The following LYN variants were observed in gnomAD, a reference collection of about 807,000 sequenced individuals.
LYN encodes the protein tyrosine-protein kinase Lyn.
In LYN, 12 loss-of-function variants were observed where a neutral mutation model predicts 65.0. The ratio of observed to expected loss-of-function variants is 0.18; its 90% CI spans 0.12 to 0.30. The LOEUF is 0.30. LYN is among the 10% of genes least tolerant of loss of function. The probability of loss-of-function intolerance (pLI) is 1.00; values close to 1 mark genes in which losing one functional copy is unlikely to be tolerated. For missense variants in LYN, 380 were observed against 623.2 expected (o/e 0.61, Z 4.16); for synonymous variants, 222 against 221.2 (o/e 1.00, Z -0.03).
intron 10 of LYN, among the ~76,000 whole-genome samples, chr8:55,983,606 A>G (rs1807991855): frequency 1.3e-5 from 2 of 150,004 alleles, no homozygotes; most frequent in Non-Finnish European, 2.9e-5. Context: ...TCAGGACACT[A>G]CATCCAAAGG....
intron 1 of LYN, among the ~76,000 whole-genome samples, chr8:55,919,113 AC>A (rs1585597790): frequency 6.6e-6 from 1 of 152,064 alleles, no homozygotes; most frequent in African/African-American, 2.4e-5. Context: ...CCAGGAGATA[AC>A]ACATTTTAAG....
At chr8:55,913,046 C>T (rs796923826) in intron 1 of LYN, among the ~76,000 whole-genome samples, 8 of 152,150 alleles carry the variant, frequency 5.3e-5, no homozygotes, top group African/African-American at 1.7e-4. Flanking sequence ...GGATGTCTGC[C>T]TGTTGAAACC....
In LYN at chr8:55,999,526, C is replaced by T; in HGVS notation, c.1313C>T (p.Thr438Ile). ...GGAATCCTCCTATACGAAATTGTCA[C>T]CTATGGGAAAATTCCCTACCCAGGT... The part of the protein sequence containing the change: ...SFGILLYEIV[T>I]YGKIPYPGRT... Residue 438 changes from threonine (T) to isoleucine (I), a missense_variant, in exon 12 of 13, where the codon ACC (threonine) becomes ATC (isoleucine). Coordinates refer to ENST00000519728, the MANE Select transcript of LYN (RefSeq NM_002350.4). 1 of 1,613,748 alleles carries T rather than the reference C, an allele frequency of 6.2e-7. No homozygotes were observed.
At chr8:55,950,860 A>G (rs1806922473) in intron 6 of LYN, 76 bp downstream of exon 6, 1 of 1,001,932 alleles carries the variant, frequency 1.0e-6, no homozygotes, top group Non-Finnish European at 1.6e-6. Context: ...GAGCTACTCA[A>G]GGGGAAAAAA....
At chr8:55,902,771 G>C in intron 1 of LYN, 2 of 514,202 alleles carry the variant, frequency 3.9e-6, no homozygotes, top group East Asian at 1.1e-4. Flanking sequence ...TACTGTGATG[G>C]AAGCATAACC....
At chr8:55,974,730 G>A (rs757972842) in intron 10 of LYN, among the ~76,000 whole-genome samples, 5 of 152,168 alleles carry the variant, frequency 3.3e-5, no homozygotes, top group Admixed American at 1.3e-4. Flanking sequence ...TGTGTTAGAC[G>A]CTCATATTCC....
intron 1 of LYN, among the ~76,000 whole-genome samples, chr8:55,917,636 G>C (rs2130425529): frequency 6.6e-6 from 1 of 152,326 alleles, no homozygotes; most frequent in South Asian, 2.1e-4. Context: ...CTCCTACTGG[G>C]TGTCCTCCAC....
chr8:55,891,387 C>A (rs1804960539), intron 1 of LYN, among the ~76,000 whole-genome samples: 1 of 150,684 alleles, frequency 6.6e-6, no homozygotes. Context: ...ACACATGATA[C>A]AACAAGGACA....
intron 1 of LYN, among the ~76,000 whole-genome samples, chr8:55,917,406 A>C (rs902445872): frequency 6.6e-6 from 1 of 152,126 alleles, no homozygotes; most frequent in Non-Finnish European, 1.5e-5. Context: ...CTGGTCTTGA[A>C]CTTTTGGACT....
intron 12 of LYN, among the ~76,000 whole-genome samples, chr8:56,000,676 C>T (rs142711988): frequency 0.015 from 1,997 of 134,446 alleles, 51 homozygotes; most frequent in African/African-American, 0.053. Flanking sequence ...TGCAGTGAGC[C>T]GAGACTGCAC....
At chr8:55,885,305 C>T (rs994337732) in intron 1 of LYN, among the ~76,000 whole-genome samples, 4 of 152,224 alleles carry the variant, frequency 2.6e-5, no homozygotes, top group Non-Finnish European at 4.4e-5. Flanking sequence ...AAGAAGTCTT[C>T]ACAGCTCAGA....
intron 10 of LYN, among the ~76,000 whole-genome samples, chr8:55,987,006 A>G (rs1329282619): frequency 6.6e-6 from 1 of 152,140 alleles, no homozygotes; most frequent in African/African-American, 2.4e-5. Context: ...GGGAGCCGCC[A>G]CATTCGGCCT....
intron 6 of LYN, among the ~76,000 whole-genome samples, 175 bp from the exon 7 acceptor site, chr8:55,951,791 A>T (rs1177723646): frequency 6.6e-6 from 1 of 152,228 alleles, no homozygotes; most frequent in Non-Finnish European, 1.5e-5. Context: ...ACAAAATGCC[A>T]GCTTCATTTG....
chr8:55,991,685 A>G (rs2667977), intron 10 of LYN, among the ~76,000 whole-genome samples: 40,213 of 151,752 alleles, frequency 0.26, 5,784 homozygotes, highest in African/African-American at 0.35. Context: ...CTTTGTCATC[A>G]GCTTCAGGCA....
intron 10 of LYN, among the ~76,000 whole-genome samples, chr8:55,997,345 G>A (rs1417036649): frequency 6.6e-6 from 1 of 152,122 alleles, no homozygotes; most frequent in East Asian, 1.9e-4. Flanking sequence ...AGTTGGTTCA[G>A]GCTGCCATAA....
chr8:55,992,918 C>G (rs1319832936), intron 10 of LYN, among the ~76,000 whole-genome samples: 6 of 152,156 alleles, frequency 3.9e-5, no homozygotes, highest in Non-Finnish European at 4.4e-5. Flanking sequence ...AAAGGCCCCC[C>G]CTCTTAATAC....
At chr8:55,888,374 TA>T (rs1452218550) in intron 1 of LYN, among the ~76,000 whole-genome samples, 12 of 152,210 alleles carry the variant, frequency 7.9e-5, no homozygotes, top group African/African-American at 2.7e-4. Flanking sequence ...GCCCTAATAC[TA>T]AATGTTGGAC....
intron 1 of LYN, among the ~76,000 whole-genome samples, chr8:55,937,242 AT>A (rs1310310897): frequency 6.6e-6 from 1 of 152,136 alleles, no homozygotes; most frequent in Non-Finnish European, 1.5e-5. Context: ...GTCCTCTTAG[AT>A]TTTTTTCCTG....
intron 9 of LYN, among the ~76,000 whole-genome samples, chr8:55,967,098 T>C (rs530647878): frequency 1.2e-3 from 181 of 151,004 alleles, no homozygotes; most frequent in Non-Finnish European, 2.1e-3. Flanking sequence ...AATCTAATCC[T>C]CCTGTTTTCT....
Sources: gnomAD v4.1 joint callset for allele counts (sites outside exome capture counted in the v4.1 genomes callset) on GRCh38, gnomAD v4.1.1 for gene constraint, MANE v1.5 for transcripts, NCBI Gene and HGNC (gene_info 2026-07-23, HGNC 2026-07-21) for gene names.